Variants in TRAP1 observed in about 807,000 individuals in gnomAD.
TRAP1 encodes heat shock protein 75 kDa, mitochondrial.
In TRAP1, 102 loss-of-function variants were observed where a neutral mutation model predicts 89.1. That is an observed-to-expected ratio of 1.15 (90% CI 0.98 to 1.35). The LOEUF (loss-of-function observed/expected upper bound fraction) is 1.35, where lower values mean the gene tolerates loss of function less well. Among genes scored for constraint, TRAP1 ranks in the 40% most tolerant of loss-of-function variants. The pLI, the probability that TRAP1 is intolerant of heterozygous loss-of-function variation, is 0.00. For synonymous variants in TRAP1, 508 were observed against 388.0 expected (o/e 1.31, Z -3.64); for missense variants, 1,256 against 945.3 (o/e 1.33, Z -4.31).
chr16:3,662,596 C>A (rs1316237101), intron 15 of TRAP1: 1 of 629,126 alleles, frequency 1.6e-6, no homozygotes, highest in East Asian at 3.2e-5. Flanking sequence ...TGTTTGGAAC[C>A]CCCACGTCCT....
intron 2 of TRAP1, among the ~76,000 whole-genome samples, chr16:3,690,131 C>T (rs969354537): frequency 6.6e-6 from 1 of 152,084 alleles, no homozygotes; most frequent in Non-Finnish European, 1.5e-5. Flanking sequence ...CTCAGCCTCT[C>T]AAGTACCTGG....
chr16:3,686,189 G>C, intron 3 of TRAP1, 53 bp from the exon 4 acceptor site: 1 of 1,589,744 alleles, frequency 6.3e-7, no homozygotes. Flanking sequence ...CATCCTGCAG[G>C]ATCTATCTGG....
rs2051049356 is a variant in TRAP1 at position 3,679,721 on chromosome 16, T to G, written c.541A>C (p.Lys181Gln). ...CTGTGTGGGGGCCCCACGCTTACCT[T>G]TGACCCCGATCTGGCAATCGTCCCC... The part of the protein sequence containing the change: ...NLGTIARSGS[K>Q]AFLDALQNQA... The change falls in exon 5 of 18, where the codon AAG becomes CAG. Residue 181 changes from lysine to glutamine, a missense_variant and splice_region_variant. Transcript: ENST00000246957. 4 of 1,614,024 alleles carry G rather than the reference T, an allele frequency of 2.5e-6. No homozygotes were observed. The highest frequency in any genetic ancestry group is 2.5e-6 in the Non-Finnish European group (3 of 1,179,962).
Position 3,679,803 on chromosome 16 carries a change from A to G in TRAP1, c.472-13T>C. ...CGATACCAGTATCCTGAGGAGAGAG[A>G]CGCACTAAGTGCCAAGCCCCCAGCA... On this transcript the variant is annotated splice_polypyrimidine_tract_variant and intron_variant, in intron 4 of 17. Transcript: ENST00000246957. 6.2e-7 allele frequency: 1 copy of G among 1,613,884 alleles called. No homozygotes were observed. The highest frequency in any genetic ancestry group is 1.7e-4 in the Middle Eastern group (1 of 6,060).
chr16:3,706,371 G>A (rs2051446074), intron 1 of TRAP1, among the ~76,000 whole-genome samples: 1 of 151,754 alleles, frequency 6.6e-6, no homozygotes, highest in African/African-American at 2.4e-5. Context: ...GCCTCCAACT[G>A]GCAGGCTTAA....
chr16:3,675,419 C>T (rs375950428), intron 7 of TRAP1, 22 bp from the exon 8 acceptor site: 8 of 1,612,786 alleles, frequency 5.0e-6, no homozygotes, highest in African/African-American at 2.7e-5. Context: ...AAAAGAAAAA[C>T]CACACTGCAT....
intron 1 of TRAP1, among the ~76,000 whole-genome samples, chr16:3,708,409 C>T (rs371587568): frequency 2.6e-5 from 4 of 152,014 alleles, no homozygotes; most frequent in Admixed American, 1.3e-4. Context: ...GAGGCTGAGG[C>T]GGATGGATCA....
chr16:3,663,038 G>A, intron 14 of TRAP1, 71 bp from the exon 15 acceptor site: 1 of 1,263,344 alleles, frequency 7.9e-7, no homozygotes, highest in Non-Finnish European at 1.1e-6. Flanking sequence ...GGGCCACGCA[G>A]CATGCTTCCA....
intron 9 of TRAP1, among the ~76,000 whole-genome samples, chr16:3,673,248 G>A (rs931919884): frequency 6.6e-5 from 10 of 152,208 alleles, no homozygotes; most frequent in Admixed American, 2.6e-4. Flanking sequence ...CTCATGAGAC[G>A]TGAAGATGAA....
At chr16:3,710,989 A>G (rs1357238376) in intron 1 of TRAP1, among the ~76,000 whole-genome samples, 1 of 147,226 alleles carries the variant, frequency 6.8e-6, no homozygotes, top group Non-Finnish European at 1.5e-5. Context: ...CTCCCACTTC[A>G]GCCTCTTGGG....
intron 11 of TRAP1, among the ~76,000 whole-genome samples, 181 bp from the exon 12 acceptor site, chr16:3,666,299 C>T (rs993997851): frequency 6.6e-6 from 1 of 152,104 alleles, no homozygotes; most frequent in African/African-American, 2.4e-5. Flanking sequence ...AGTGGCCGGA[C>T]AGGAGGCAGC....
At chr16:3,670,499 A>T (rs894988634) in intron 11 of TRAP1, among the ~76,000 whole-genome samples, 1 of 151,658 alleles carries the variant, frequency 6.6e-6, no homozygotes, top group African/African-American at 2.4e-5. Flanking sequence ...CCAGGAGTTC[A>T]AGATCAGCCT....
At chr16:3,671,268 G>A (rs1002793943) in intron 11 of TRAP1, among the ~76,000 whole-genome samples, 1 of 152,194 alleles carries the variant, frequency 6.6e-6, no homozygotes, top group Non-Finnish European at 1.5e-5. Flanking sequence ...GCTCTAGTAA[G>A]GAAATACTAC....
At chr16:3,709,347 C>A (rs1032459265) in intron 1 of TRAP1, among the ~76,000 whole-genome samples, 42 of 151,648 alleles carry the variant, frequency 2.8e-4, no homozygotes, top group African/African-American at 9.9e-4. Flanking sequence ...ACACTCATAA[C>A]TAAGGAAATG....
chr16:3,688,276 C>T lies in TRAP1; in HGVS notation c.330+779G>A, dbSNP rs527492625. ...TTGGCCTCCTAAAGTGCCGGGATTA[C>T]AGGTGTGGGTCACCGCACCTGGCCC... On this transcript the variant is annotated intron_variant, in intron 3 of 17. Transcript: ENST00000246957. Among the ~76,000 whole-genome samples the T allele has an allele frequency of 1.4e-4, 22 of 152,138 alleles. No homozygotes were observed. The South Asian group carries it at 2.7e-3, about 19-fold the overall frequency.
intron 1 of TRAP1, among the ~76,000 whole-genome samples, chr16:3,691,935 T>C (rs751183158): frequency 3.4e-4 from 52 of 152,078 alleles, no homozygotes; most frequent in Non-Finnish European, 6.3e-4. Context: ...AAGCAGCCAA[T>C]GTGTCCCCAG....
chr16:3,679,637 C>G lies in TRAP1; in HGVS notation c.543+82G>C, dbSNP rs1464691435. ...GCAACTGACAACGTTCTTACTTAAT[C>G]TGGCACCCAGGGCCACCCCTACTGG... On this transcript the variant is annotated intron_variant, in intron 5 of 17. Coordinates refer to ENST00000246957, the MANE Select transcript of TRAP1 (RefSeq NM_016292.3). 10 of 1,430,464 alleles carry G rather than the reference C, an allele frequency of 7.0e-6. No individual in the cohort carries two copies. In the Middle Eastern group the frequency reaches 8.9e-4, roughly 127 times the overall value. 88.6% of individuals were successfully genotyped at this position (1,430,464 alleles called of 1,614,324 possible).
At chr16:3,673,375 C>T (rs1015080226) in intron 9 of TRAP1, among the ~76,000 whole-genome samples, 18 of 152,196 alleles carry the variant, frequency 1.2e-4, no homozygotes, top group Non-Finnish European at 1.9e-4. Flanking sequence ...ACACCGGGCC[C>T]GAAACGCTGG....
chr16:3,690,400 CTT>C (rs1402629823), intron 2 of TRAP1, among the ~76,000 whole-genome samples: 1 of 152,206 alleles, frequency 6.6e-6, no homozygotes, highest in African/African-American at 2.4e-5. Context: ...AGATTCTACT[CTT>C]GTCGACCCAC....
Sources: allele counts gnomAD v4.1 joint callset (sites outside exome capture counted in the v4.1 genomes callset), GRCh38; gene constraint gnomAD v4.1.1; transcripts MANE v1.5; gene names NCBI Gene and HGNC (gene_info 2026-07-23, HGNC 2026-07-21).